The following SLC24A2 variants were observed in gnomAD, a reference collection of about 807,000 sequenced individuals.
SLC24A2 encodes the protein solute carrier family 24 member 2, also known as sodium/potassium/calcium exchanger 2.
A neutral mutation model predicts 62.0 loss-of-function variants in SLC24A2; 36 were observed. The observed-to-expected ratio is 0.58, with a 90% CI of 0.44 to 0.77. SLC24A2 has a LOEUF of 0.77. Among genes scored for constraint, SLC24A2 ranks in the 30% least tolerant of loss-of-function variants. The probability of loss-of-function intolerance (pLI) is 0.00; values close to 1 mark genes in which losing one functional copy is unlikely to be tolerated. For missense variants in SLC24A2, 846 were observed against 817.9 expected, an observed-to-expected ratio of 1.03 and a Z score of -0.42; for synonymous variants, 358 against 294.0, an observed-to-expected ratio of 1.22 and a Z score of -2.23.
intron 2 of SLC24A2, among the ~76,000 whole-genome samples, chr9:19,677,341 A>C (rs1254088321): frequency 6.6e-6 from 1 of 152,224 alleles, no homozygotes; most frequent in African/African-American, 2.4e-5. Flanking sequence ...AGAAAACCAA[A>C]TACCACATGT....
the SLC24A2 span, among the ~76,000 whole-genome samples, chr9:19,852,164 T>A: frequency 6.6e-6 from 1 of 152,206 alleles, no homozygotes; most frequent in Non-Finnish European, 1.5e-5. Flanking sequence ...TTTGCCCACT[T>A]TTTAATGGTG....
chr9:19,652,665 C>T (rs1408253654), intron 2 of SLC24A2, among the ~76,000 whole-genome samples: 1 of 152,194 alleles, frequency 6.6e-6, no homozygotes, highest in Non-Finnish European at 1.5e-5. Flanking sequence ...AGAATTTTAA[C>T]ATAATCAATA....
the SLC24A2 span, among the ~76,000 whole-genome samples, chr9:19,994,151 T>G: frequency 5.3e-5 from 8 of 152,078 alleles, no homozygotes; most frequent in Non-Finnish European, 8.8e-5. Context: ...CTGCTTCTAG[T>G]GGAAAAGAAC....
chr9:19,716,702 T>A lies in SLC24A2; in HGVS notation c.930+69235A>T, dbSNP rs116951672. Among the ~76,000 whole-genome samples, 1,105 of 152,336 alleles carry A rather than the reference T, an allele frequency of 7.3e-3. 10 individuals carry two copies. The highest frequency in any genetic ancestry group is 0.04 in the South Asian group (194 of 4,832). On this transcript the variant is annotated intron_variant, in intron 2 of 10. Coordinates refer to ENST00000341998, the MANE Select transcript of SLC24A2 (RefSeq NM_020344.4). The stretch of plus-strand genomic sequence containing the variant: ...CTCCCCTATCTGACCCTTTCTTTCT[T>A]ACAGGCTCTTGGTGTTTACAGTTTA...
At chr9:19,926,087 G>C in the SLC24A2 span, 7 of 152,106 alleles carry the variant, frequency 4.6e-5, no homozygotes, top group African/African-American at 1.5e-4. Flanking sequence ...TACTCTTCAG[G>C]CCATAAGGTA....
At chr9:19,993,466 A>G in the SLC24A2 span, among the ~76,000 whole-genome samples, 330 of 152,318 alleles carry the variant, frequency 2.2e-3, 2 homozygotes, top group African/African-American at 7.5e-3. Flanking sequence ...TTTATTTTAT[A>G]ACCATCTATG....
the SLC24A2 span, among the ~76,000 whole-genome samples, chr9:20,164,979 T>A: frequency 1.8e-5 from 2 of 109,540 alleles, no homozygotes; most frequent in Admixed American, 1.3e-4. Context: ...CTCTGGGGAC[T>A]GTTGTGGGGT....
At chr9:19,672,964 A>G (rs1471221657) in intron 2 of SLC24A2, among the ~76,000 whole-genome samples, 1 of 146,490 alleles carries the variant, frequency 6.8e-6, no homozygotes, top group Non-Finnish European at 1.5e-5. Flanking sequence ...CATATGGTCT[A>G]TCTTGGAGAA....
Position 19,513,994 on chromosome 9 carries a change from G to T in SLC24A2, c.*2159C>A, listed in dbSNP as rs1371606202. 1 of 152,140 alleles carries T rather than the reference G, an allele frequency of 6.6e-6. No individual in the cohort carries two copies. Among genetic ancestry groups the T allele is most frequent in the South Asian group, 2.1e-4 (1 of 4,826 alleles). The allele number at this position is 152,140 out of a possible 1,614,324, so 9.4% of individuals were successfully genotyped here. On this transcript the variant is annotated 3_prime_UTR_variant, in exon 11 of 11. Transcript: ENST00000341998. ...CTATTGGATGGTGTTTCAATGTCTT[G>T]GAAGGCATTGTCCCACATCTGAAGA...
At chr9:20,206,803 T>A in the SLC24A2 span, among the ~76,000 whole-genome samples, 10 of 152,004 alleles carry the variant, frequency 6.6e-5, no homozygotes, top group African/African-American at 1.9e-4. Context: ...AATTAATAAA[T>A]CTTTTTTAAA....
the SLC24A2 span, among the ~76,000 whole-genome samples, chr9:19,896,601 G>A: frequency 6.6e-6 from 1 of 152,152 alleles, no homozygotes; most frequent in Admixed American, 6.5e-5. Context: ...TAACAAAAAT[G>A]GAGCATTGGA....
At chr9:19,571,436 A>G (rs1166231962) in intron 7 of SLC24A2, among the ~76,000 whole-genome samples, 1 of 152,232 alleles carries the variant, frequency 6.6e-6, no homozygotes, top group East Asian at 1.9e-4. Flanking sequence ...GCTAGGTTAT[A>G]TTGACTGTAG....
At chr9:20,082,297 A>G in the SLC24A2 span, among the ~76,000 whole-genome samples, 3 of 152,172 alleles carry the variant, frequency 2.0e-5, no homozygotes, top group South Asian at 6.2e-4. Flanking sequence ...ATGCCTGTGC[A>G]TTGTCTCAGT....
the SLC24A2 span, among the ~76,000 whole-genome samples, chr9:19,923,460 G>A: frequency 1.3e-5 from 2 of 152,132 alleles, no homozygotes; most frequent in Non-Finnish European, 2.9e-5. Context: ...CCTGCGCCCT[G>A]GGACCTTTCC....
the SLC24A2 span, among the ~76,000 whole-genome samples, chr9:19,901,489 A>T: frequency 5.1e-4 from 78 of 152,296 alleles, no homozygotes; most frequent in African/African-American, 1.7e-3. Context: ...AGGAGGTCAA[A>T]GGAGGAGGGG....
At chr9:20,208,349 C>T in the SLC24A2 span, among the ~76,000 whole-genome samples, 5 of 152,188 alleles carry the variant, frequency 3.3e-5, no homozygotes, top group South Asian at 2.1e-4. Context: ...TCGCATAGCA[C>T]GGCGAAGGCT....
At chr9:20,091,238 T>C in the SLC24A2 span, among the ~76,000 whole-genome samples, 1 of 150,526 alleles carries the variant, frequency 6.6e-6, no homozygotes, top group East Asian at 2.0e-4. Context: ...ATCATTGGCA[T>C]TGCTGAAAGG....
chr9:20,014,494 T>G, the SLC24A2 span, among the ~76,000 whole-genome samples: 1 of 97,552 alleles, frequency 1.0e-5, no homozygotes, highest in African/African-American at 3.8e-5. Flanking sequence ...AAGAAAAATG[T>G]GATATATATA....
chr9:20,052,482 G>T, the SLC24A2 span, among the ~76,000 whole-genome samples: 3 of 152,150 alleles, frequency 2.0e-5, no homozygotes, highest in Non-Finnish European at 4.4e-5. Context: ...TTCTTTGAAG[G>T]TTCAATTTGT....
Sources: allele counts gnomAD v4.1 joint callset (sites outside exome capture counted in the v4.1 genomes callset), GRCh38; gene constraint gnomAD v4.1.1; transcripts MANE v1.5; gene names NCBI Gene and HGNC (gene_info 2026-07-23, HGNC 2026-07-21).